Variants in EYS observed in about 807,000 individuals in gnomAD.
EYS encodes EGF-like photoreceptor maintenance factor, also known as protein eyes shut homolog.
In EYS, 250 loss-of-function variants were observed where a neutral mutation model predicts 282.1. That is an observed-to-expected ratio of 0.89 (90% confidence interval 0.80 to 0.98). The LOEUF is 0.98. Among genes scored for constraint, EYS ranks in the 50% least tolerant of loss-of-function variants. The pLI is 0.00. For missense variants in EYS, 4,016 were observed against 3,709.0 expected, an observed-to-expected ratio of 1.08 and a Z score of -2.15; for synonymous variants, 1,355 against 1,282.9, an observed-to-expected ratio of 1.06 and a Z score of -1.20.
At chr6:64,318,183 AC>A (rs1340451929) in intron 29 of EYS, among the ~76,000 whole-genome samples, 2 of 152,046 alleles carry the variant, frequency 1.3e-5, no homozygotes, top group Non-Finnish European at 2.9e-5. Context: ...TAATAAAAAA[AC>A]ACCCAGAATT....
At chr6:65,385,383 C>G (rs969056175) in intron 7 of EYS, among the ~76,000 whole-genome samples, 11 of 151,874 alleles carry the variant, frequency 7.2e-5, no homozygotes, top group African/African-American at 2.7e-4. Flanking sequence ...GAAATAGCAT[C>G]AATAAAATGC....
intron 12 of EYS, among the ~76,000 whole-genome samples, chr6:65,176,337 A>G (rs1162892375): frequency 1.3e-5 from 2 of 151,664 alleles, no homozygotes; most frequent in Admixed American, 6.6e-5. Context: ...AACATTGTAA[A>G]GCAATGTAGA....
chr6:64,766,121 T>C (rs894792076), intron 22 of EYS, among the ~76,000 whole-genome samples: 1 of 149,994 alleles, frequency 6.7e-6, no homozygotes, highest in Non-Finnish European at 1.5e-5. Context: ...AGAGATGGGG[T>C]TTCACCATAT....
intron 1 of EYS, among the ~76,000 whole-genome samples, chr6:65,649,701 GT>G (rs557736588): frequency 4.6e-5 from 7 of 152,086 alleles, no homozygotes; most frequent in African/African-American, 1.2e-4. Flanking sequence ...TATTTAGATT[GT>G]TTTTTTACAA....
At chr6:64,104,746 GC>G (rs1038425618) in intron 31 of EYS, among the ~76,000 whole-genome samples, 7 of 106,886 alleles carry the variant, frequency 6.5e-5, no homozygotes, top group African/African-American at 3.2e-4. Context: ...CTTCTGGCAA[GC>G]TTTTTTTTTT....
intron 31 of EYS, among the ~76,000 whole-genome samples, chr6:64,144,931 G>A (rs868832904): frequency 1.3e-5 from 2 of 152,116 alleles, no homozygotes; most frequent in East Asian, 3.9e-4. Context: ...GCACATGTTT[G>A]TGTATCTCTA....
chr6:65,342,170 G>A (rs1696154505), intron 10 of EYS, among the ~76,000 whole-genome samples: 1 of 150,852 alleles, frequency 6.6e-6, no homozygotes, highest in African/African-American at 2.4e-5. Flanking sequence ...ATTCTAAAGA[G>A]GCTTATTTAT....
intron 29 of EYS, among the ~76,000 whole-genome samples, chr6:64,351,066 CT>C (rs34169788): frequency 0.67 from 99,251 of 147,504 alleles, 33,093 homozygotes; most frequent in Non-Finnish European, 0.69. Context: ...AATGAAACCT[CT>C]TTTTTTTTTT....
intron 33 of EYS, among the ~76,000 whole-genome samples, chr6:64,023,454 C>T (rs757817561): frequency 5.3e-5 from 8 of 152,338 alleles, no homozygotes; most frequent in Middle Eastern, 3.4e-3. Context: ...TACCATTTTA[C>T]GCTGTACATG....
chr6:64,307,996 A>T (rs1769521354), intron 29 of EYS, among the ~76,000 whole-genome samples: 2 of 152,032 alleles, frequency 1.3e-5, no homozygotes, highest in Non-Finnish European at 2.9e-5. Flanking sequence ...AATTACAGTA[A>T]ATTATCAATG....
intron 15 of EYS, among the ~76,000 whole-genome samples, chr6:64,934,833 T>C (rs1768851129): frequency 6.6e-6 from 1 of 151,806 alleles, no homozygotes; most frequent in African/African-American, 2.4e-5. Context: ...AATCATGAGA[T>C]CCAGTAATGG....
intron 33 of EYS, among the ~76,000 whole-genome samples, chr6:64,006,712 T>C (rs2149808259): frequency 6.6e-6 from 1 of 152,252 alleles, no homozygotes; most frequent in Non-Finnish European, 1.5e-5. Flanking sequence ...TGAAATGATG[T>C]TGAATTTTAT....
At chr6:65,196,647 C>A (rs1765773281) in intron 12 of EYS, among the ~76,000 whole-genome samples, 1 of 152,008 alleles carries the variant, frequency 6.6e-6, no homozygotes, top group Admixed American at 6.6e-5. Flanking sequence ...AGAAAACACA[C>A]ACATAAATGT....
At chr6:64,950,351 C>T (rs1011712245) in intron 14 of EYS, among the ~76,000 whole-genome samples, 1 of 151,862 alleles carries the variant, frequency 6.6e-6, no homozygotes, top group Non-Finnish European at 1.5e-5. Flanking sequence ...ACAGGAAAAA[C>T]TACTCAAATT....
intron 35 of EYS, among the ~76,000 whole-genome samples, chr6:63,924,337 GA>G (rs1404716312): frequency 1.3e-5 from 2 of 152,156 alleles, no homozygotes; most frequent in East Asian, 3.9e-4. Context: ...AGCTACCCTT[GA>G]AATGCTTCGT....
intron 12 of EYS, among the ~76,000 whole-genome samples, chr6:65,277,447 A>G (rs146097931): frequency 0.55 from 77,640 of 141,838 alleles, 21,884 homozygotes; most frequent in East Asian, 0.9. Context: ...AAAAAAGTTA[A>G]TTAATTAAAA....
In EYS at chr6:63,807,508, A is replaced by G. The variant is rs112511349; in HGVS notation, c.7229-1136T>C. Among the ~76,000 whole-genome samples the G allele has an allele frequency of 4.5e-3, 691 of 152,310 alleles. 1 individual carries two copies. Among genetic ancestry groups the G allele is most frequent in the Admixed American group, 8.7e-3 (133 of 15,294 alleles). ...GGCTTGTATATCTTTGTTTTATATG[A>G]CTATTAAACTAAGATATTTGTGTGA... On this transcript the variant is annotated intron_variant, in intron 36 of 42. Transcript: ENST00000503581.
At chr6:64,931,413 CA>C (rs1398840234) in intron 15 of EYS, among the ~76,000 whole-genome samples, 1 of 151,952 alleles carries the variant, frequency 6.6e-6, no homozygotes, top group Non-Finnish European at 1.5e-5. Context: ...AAGTTTTGAT[CA>C]GTGGAAATTT....
At chr6:64,322,858 C>T (rs7769524) in intron 29 of EYS, among the ~76,000 whole-genome samples, 108,969 of 151,854 alleles carry the variant, frequency 0.72, 39,292 homozygotes, top group African/African-American at 0.79. Context: ...ACAATGGAAC[C>T]AGAAAAGCCT....
Sources: gnomAD v4.1 joint callset for allele counts (sites outside exome capture counted in the v4.1 genomes callset) on GRCh38, gnomAD v4.1.1 for gene constraint, MANE v1.5 for transcripts, NCBI Gene and HGNC (gene_info 2026-07-23, HGNC 2026-07-21) for gene names.